The following NRSN2 variants were observed in gnomAD, a reference collection of about 807,000 sequenced individuals.
NRSN2 encodes neurensin 2, also known as neurensin-2.
In NRSN2, 10 loss-of-function variants were observed where a neutral mutation model predicts 11.1. That is an observed-to-expected ratio of 0.90 (90% confidence interval 0.56 to 1.53). NRSN2 has a LOEUF of 1.53. Among genes scored for constraint, NRSN2 ranks in the 40% most tolerant of loss-of-function variants. The probability of loss-of-function intolerance (pLI) is 0.00; values close to 1 mark genes in which losing one functional copy is unlikely to be tolerated. For synonymous variants in NRSN2, 100 were observed against 117.0 expected (o/e 0.86, Z 0.94); for missense variants, 260 against 273.7 (o/e 0.95, Z 0.35).
intron 4 of NRSN2, among the ~76,000 whole-genome samples, chr20:350,646 C>CAAAAAAAAAAAAA (rs56188179): frequency 1.0e-4 from 4 of 39,402 alleles, no homozygotes; most frequent in Admixed American, 4.3e-4. Context: ...GACTCTGTCT[C>CAAAAAAAAAAAAA]AAAAAAAAAA....
intron 4 of NRSN2, 111 bp downstream of exon 4, chr20:349,943 G>A: frequency 1.0e-6 from 1 of 970,320 alleles, no homozygotes; most frequent in Middle Eastern, 2.9e-4. Context: ...TAGGAGTCTT[G>A]CACAGTCAAG....
Position 353,226 on chromosome 20 carries a change from G to A in NRSN2, c.206G>A (p.Gly69Glu). The change falls in exon 5 of 5, where the codon GGG becomes GAG. Residue 69 changes from glycine (G) to glutamate (E), a missense_variant. By Grantham distance (98) the Gly-to-Glu change is moderately conservative. Coordinates refer to ENST00000382285, the MANE Select transcript of NRSN2 (RefSeq NM_001323682.2). Reference sequence around the variant, plus strand: ...TCTCCCTAGATCAGCCTGTCCTCGGGGACCCTGCTTCTGCTGCTGGGTGTG... The same window carrying A: ...TCTCCCTAGATCAGCCTGTCCTCGGAGACCCTGCTTCTGCTGCTGGGTGTG... The part of the protein sequence containing the change: ...SLCWKISLSS[G>E]TLLLLLGVAA... 1 of 1,613,946 alleles carries A rather than the reference G, an allele frequency of 6.2e-7. No homozygotes were observed. The highest frequency in any genetic ancestry group is 1.1e-5 in the South Asian group (1 of 91,074).
In NRSN2 at chr20:349,729, T is replaced by G. The variant is rs771258113; in HGVS notation, c.86T>G (p.Leu29Arg). 8 of 1,613,426 alleles carry G rather than the reference T, an allele frequency of 5.0e-6. No homozygotes were observed. The highest frequency in any genetic ancestry group is 6.8e-6 in the Non-Finnish European group (8 of 1,180,020). The change falls in exon 4 of 5, where the codon CTG becomes CGG. Residue 29 changes from leucine (L) to arginine (R), a missense_variant. By Grantham distance (102) the Leu-to-Arg change is moderately radical. Coordinates refer to ENST00000382285, the MANE Select transcript of NRSN2 (RefSeq NM_001323682.2). ...DGKWYGVRSY[L>R]HLFYEDCAGT... ...AAGTGGTATGGGGTCCGCTCCTACC[T>G]GCACCTCTTCTATGAGGACTGTGCA...
rs1327835692 is a variant in NRSN2 at position 354,342 on chromosome 20, C to G, written c.*707C>G. 6.6e-6 allele frequency: 1 copy of G among 152,296 alleles called. No homozygotes were observed. The highest frequency in any genetic ancestry group is 1.5e-5 in the Non-Finnish European group (1 of 68,122). The allele number at this position is 152,296 out of a possible 1,614,324, so 9.4% of individuals were successfully genotyped here. A position where few individuals can be genotyped will look rare whatever the true frequency, so the allele number is the denominator to read the frequency against. On this transcript the variant is annotated 3_prime_UTR_variant, in exon 5 of 5. Coordinates refer to ENST00000382285, the MANE Select transcript of NRSN2 (RefSeq NM_001323682.2). ...CTCTTGTGCTACAGGTGGGGCGGAG[C>G]CAGCCCCTCACCTTCCTGGTTCCCT...
Position 353,985 on chromosome 20 carries a change from G to A in NRSN2, c.*350G>A, listed in dbSNP as rs1296501356. ...TCAGCTCCTGCCTCTCTGCCATGAG[G>A]GCTTTGGATCAGATTCCTCTTCTCG... On this transcript the variant is annotated 3_prime_UTR_variant, in exon 5 of 5. Transcript: ENST00000382285. The A allele has an allele frequency of 3.3e-6, 1 of 306,684 alleles. No individual in the cohort carries two copies. The highest frequency in any genetic ancestry group is 6.1e-6 in the Non-Finnish European group (1 of 164,642). 19.0% of individuals were successfully genotyped at this position (306,684 alleles called of 1,614,324 possible).
chr20:353,878 CAG>C lies in NRSN2; in HGVS notation c.*244_*245del, dbSNP rs1051604188. 1.7e-5 allele frequency: 9 copies of C among 541,602 alleles called. No individual in the cohort carries two copies. Among genetic ancestry groups the C allele is most frequent in the Non-Finnish European group, 9.7e-6 (3 of 309,226 alleles). The allele number at this position is 541,602 out of a possible 1,614,324, so 33.5% of individuals were successfully genotyped here. A position where few individuals can be genotyped will look rare whatever the true frequency, so the allele number is the denominator to read the frequency against. ...ACCCACACCCTCTTCCCAAGGCCCT[CAG>C]GGGCAGAAAACATCTCCTTCAACCC... On this transcript the variant is annotated 3_prime_UTR_variant, in exon 5 of 5. Transcript: ENST00000382285.
rs887073197 is a variant in NRSN2, at chr20:347,929, A to G, written c.-122+417A>G. Reference sequence around the variant, plus strand: ...CAGACCTACTCCGTGCAGCCCTGAAACGCCAGGCGGAGGGGCCAGGCCGAG... The same window carrying G: ...CAGACCTACTCCGTGCAGCCCTGAAGCGCCAGGCGGAGGGGCCAGGCCGAG... On this transcript the variant is annotated intron_variant, in intron 2 of 4. Transcript: ENST00000382285. The surrounding 1 kb of genome is among the most constrained non-coding windows in gnomAD (Gnocchi z 7.0). Among the ~76,000 whole-genome samples, 2 of 151,496 alleles carry G rather than the reference A, an allele frequency of 1.3e-5. No individual in the cohort carries two copies. The highest frequency in any genetic ancestry group is 2.9e-5 in the Non-Finnish European group (2 of 67,832).
At chr20:349,526 G>C (rs2013746719) in intron 3 of NRSN2, 112 bp from the exon 4 acceptor site, 2 of 789,828 alleles carry the variant, frequency 2.5e-6, no homozygotes, top group South Asian at 1.8e-5. Flanking sequence ...AGGGTGTCTC[G>C]AGTGGGAGGA....
At chr20:350,623 G>C (rs2013865017) in intron 4 of NRSN2, among the ~76,000 whole-genome samples, 1 of 136,434 alleles carries the variant, frequency 7.3e-6, no homozygotes, top group Non-Finnish European at 1.5e-5. Context: ...ACTCCAGCTG[G>C]GCGACAGAAC....
At chr20:349,978 G>C (rs953859483) in intron 4 of NRSN2, 146 bp downstream of exon 4, 1 of 592,228 alleles carries the variant, frequency 1.7e-6, no homozygotes, top group Non-Finnish European at 2.8e-6. Context: ...ATTCAAATGG[G>C]TTTAAATAAT....
In NRSN2 at chr20:353,666, G is replaced by A; in HGVS notation, c.*31G>A. On this transcript the variant is annotated 3_prime_UTR_variant, in exon 5 of 5. Transcript: ENST00000382285. ...CCACATGGCCTAAGATGTGGGTCCT[G>A]GATCCTTCCCCCCTTCTCACCATAA... 6.7e-7 allele frequency: 1 copy of A among 1,486,656 alleles called. No homozygotes were observed. The highest frequency in any genetic ancestry group is 8.9e-7 in the Non-Finnish European group (1 of 1,127,736). The allele number at this position is 1,486,656 out of a possible 1,614,324, so 92.1% of individuals were successfully genotyped here.
At chr20:353,154 G>T in intron 4 of NRSN2, 56 bp from the exon 5 acceptor site, 1 of 1,546,884 alleles carries the variant, frequency 6.5e-7, no homozygotes, top group Non-Finnish European at 8.8e-7. Context: ...GTGATCCCTT[G>T]GCCAGGGGCC....
At chr20:352,888 G>C (rs1414939182) in intron 4 of NRSN2, among the ~76,000 whole-genome samples, 1 of 152,184 alleles carries the variant, frequency 6.6e-6, no homozygotes, top group Non-Finnish European at 1.5e-5. Context: ...ATCTGATGGT[G>C]CATAGGAGTT....
Position 353,700 on chromosome 20 carries a change from C to T in NRSN2, c.*65C>T. ...CCCCCTTCTCACCATAACCCCCTCTCAGTGTTTCCCCAACTTCTCCCTTTT... is the reference window on the plus strand; with the variant it reads ...CCCCCTTCTCACCATAACCCCCTCTTAGTGTTTCCCCAACTTCTCCCTTTT... On this transcript the variant is annotated 3_prime_UTR_variant, in exon 5 of 5. Coordinates refer to ENST00000382285, the MANE Select transcript of NRSN2 (RefSeq NM_001323682.2). 6.6e-7 allele frequency: 1 copy of T among 1,504,344 alleles called. No homozygotes were observed. The highest frequency in any genetic ancestry group is 9.0e-7 in the Non-Finnish European group (1 of 1,105,714). 93.2% of individuals were successfully genotyped at this position (1,504,344 alleles called of 1,614,324 possible).
chr20:349,063 A>G (rs1341327235), intron 2 of NRSN2, among the ~76,000 whole-genome samples, 186 bp from the exon 3 acceptor site: 1 of 152,042 alleles, frequency 6.6e-6, no homozygotes, highest in Non-Finnish European at 1.5e-5. Flanking sequence ...CATGACAATT[A>G]CCCCCAGGAG....
intron 2 of NRSN2, among the ~76,000 whole-genome samples, chr20:349,031 G>A (rs1600220568): frequency 6.6e-6 from 1 of 152,152 alleles, no homozygotes; most frequent in East Asian, 1.9e-4. Context: ...TGCAGCTTGG[G>A]AACTCCAGCC....
At chr20:348,525 GT>G (rs2013650029) in intron 2 of NRSN2, 5 of 151,858 alleles carry the variant, frequency 3.3e-5, no homozygotes, top group African/African-American at 1.0e-4. Context: ...GTGTGTGTGT[GT>G]GTCGTACCTA....
In NRSN2 at chr20:353,574, C is replaced by T. The variant is rs2014167436; in HGVS notation, c.554C>T (p.Pro185Leu). ...RNASGQSWFS[P>L]PASPFGQSSV... ...GCCAGTGGCCAGTCATGGTTCTCGC[C>T]ACCCGCCAGCCCCTTTGGGCAATCT... The change falls in exon 5 of 5, where the codon CCA becomes CTA. Residue 185 changes from proline (P) to leucine (L), a missense_variant. Pro to Leu is a moderately conservative substitution (Grantham distance 98, BLOSUM62 -3). Transcript: ENST00000382285. 3 of 1,614,212 alleles carry T rather than the reference C, an allele frequency of 1.9e-6. No individual in the cohort carries two copies. In the East Asian group the frequency reaches 6.7e-5, roughly 36 times the overall value.
In NRSN2 at chr20:347,133, A is replaced by C. The variant is rs2013468464; in HGVS notation, c.-210A>C. 6.6e-6 allele frequency: 1 copy of C among 152,266 alleles called. No homozygotes were observed. Among genetic ancestry groups the C allele is most frequent in the Admixed American group, 6.6e-5 (1 of 15,240 alleles). 9.4% of individuals were successfully genotyped at this position (152,266 alleles called of 1,614,324 possible). A position where few individuals can be genotyped will look rare whatever the true frequency, so the allele number is the denominator to read the frequency against. ...CCCGCCTTTGCTCGGCGGAGACAGC[A>C]GGCAGAGAGGTGAGCTTAGCCCTGC... On this transcript the variant is annotated 5_prime_UTR_variant, in exon 1 of 5. Coordinates refer to ENST00000382285, the MANE Select transcript of NRSN2 (RefSeq NM_001323682.2). The surrounding 1 kb of genome is among the most constrained non-coding windows in gnomAD (Gnocchi z 7.0).
Sources: allele counts gnomAD v4.1 joint callset (sites outside exome capture counted in the v4.1 genomes callset), GRCh38; gene constraint gnomAD v4.1.1; non-coding constraint Gnocchi (gnomAD v3.1); transcripts MANE v1.5; gene names NCBI Gene and HGNC (gene_info 2026-07-23, HGNC 2026-07-21).